RNF220: variants seen among roughly 807,000 people sequenced by gnomAD.
The protein encoded by RNF220 is E3 ubiquitin-protein ligase RNF220.
In RNF220, 7 loss-of-function variants were observed where a neutral mutation model predicts 67.1. The observed-to-expected ratio is 0.10, with a 90% CI of 0.06 to 0.20. The LOEUF is 0.20. RNF220 is among the 10% of genes least tolerant of loss of function. The pLI, the probability that RNF220 is intolerant of heterozygous loss-of-function variation, is 1.00. For missense variants in RNF220, 565 were observed against 740.3 expected, an observed-to-expected ratio of 0.76 and a Z score of 2.75; for synonymous variants, 270 against 283.2, an observed-to-expected ratio of 0.95 and a Z score of 0.47.
intron 3 of RNF220, 78 bp downstream of exon 3, chr1:44,614,375 C>T (rs1033463497): frequency 1.3e-6 from 2 of 1,537,856 alleles, no homozygotes; most frequent in African/African-American, 2.7e-5. Context: ...GAAGCAGCCG[C>T]CTGGCCCATA....
chr1:44,612,136 G>C (rs144331266), intron 2 of RNF220, among the ~76,000 whole-genome samples: 1 of 152,312 alleles, frequency 6.6e-6, no homozygotes, highest in African/African-American at 2.4e-5. Flanking sequence ...CCTCCTCAGA[G>C]ACCTTGCCAC....
intron 2 of RNF220, among the ~76,000 whole-genome samples, chr1:44,414,871 T>C (rs571528782): frequency 2.6e-5 from 4 of 151,154 alleles, no homozygotes; most frequent in Non-Finnish European, 5.9e-5. Context: ...ATAAAACCTA[T>C]AGGAGTGTCT....
intron 2 of RNF220, among the ~76,000 whole-genome samples, chr1:44,607,792 T>G (rs939969571): frequency 6.6e-6 from 1 of 151,978 alleles, no homozygotes; most frequent in Admixed American, 6.6e-5. Flanking sequence ...CCCGGCCAAA[T>G]GTGCTGTTTT....
chr1:44,545,855 C>A (rs907288005), intron 2 of RNF220, among the ~76,000 whole-genome samples: 20 of 151,684 alleles, frequency 1.3e-4, no homozygotes, highest in Middle Eastern at 3.4e-3. Flanking sequence ...CTCCTGGGTT[C>A]AAGCAATTCT....
intron 2 of RNF220, among the ~76,000 whole-genome samples, chr1:44,591,881 C>T (rs1169150816): frequency 6.6e-6 from 1 of 152,048 alleles, no homozygotes; most frequent in Non-Finnish European, 1.5e-5. Flanking sequence ...GACTTCTCTC[C>T]TCCAGGAAGC....
chr1:44,429,885 G>A (rs867683619), intron 2 of RNF220, among the ~76,000 whole-genome samples: 2 of 152,064 alleles, frequency 1.3e-5, no homozygotes, highest in Admixed American at 6.6e-5. Context: ...TGCATATATT[G>A]GGTTAAGTAC....
intron 2 of RNF220, among the ~76,000 whole-genome samples, chr1:44,487,422 T>C (rs1233498463): frequency 1.3e-5 from 2 of 151,692 alleles, no homozygotes; most frequent in Non-Finnish European, 2.9e-5. Flanking sequence ...AAGTAAGGAC[T>C]ATACCCTGAT....
intron 2 of RNF220, among the ~76,000 whole-genome samples, chr1:44,597,634 C>T (rs1482950694): frequency 6.6e-6 from 1 of 152,104 alleles, no homozygotes; most frequent in Admixed American, 6.5e-5. Context: ...CACACACCCA[C>T]TCTTGCACAC....
At chr1:44,569,673 A>G (rs74070526) in intron 2 of RNF220, among the ~76,000 whole-genome samples, 7,789 of 152,196 alleles carry the variant, frequency 0.051, 628 homozygotes, top group African/African-American at 0.18. Context: ...CCACCCTGGC[A>G]GAGCCAGGAT....
intron 1 of RNF220, among the ~76,000 whole-genome samples, chr1:44,407,895 G>A (rs1475448575): frequency 1.3e-5 from 2 of 152,192 alleles, no homozygotes; most frequent in African/African-American, 4.8e-5. Context: ...TTTGGTCGAA[G>A]GCTGGCAGCT....
intron 2 of RNF220, among the ~76,000 whole-genome samples, chr1:44,474,878 A>C (rs1364950094): frequency 6.6e-6 from 1 of 152,216 alleles, no homozygotes; most frequent in African/African-American, 2.4e-5. Flanking sequence ...ACCTTATATA[A>C]GGGAATTGAG....
chr1:44,563,504 C>T (rs990387388), intron 2 of RNF220, among the ~76,000 whole-genome samples: 16 of 152,142 alleles, frequency 1.1e-4, no homozygotes, highest in African/African-American at 2.9e-4. Context: ...CTGCATTTGC[C>T]GCCGTGGACT....
intron 2 of RNF220, among the ~76,000 whole-genome samples, chr1:44,430,607 A>G (rs1370014746): frequency 6.6e-6 from 1 of 152,096 alleles, no homozygotes; most frequent in Non-Finnish European, 1.5e-5. Flanking sequence ...GTGCAGTGGC[A>G]TGATCTCGGC....
intron 2 of RNF220, among the ~76,000 whole-genome samples, chr1:44,478,811 C>T (rs970461912): frequency 3.9e-5 from 6 of 152,172 alleles, no homozygotes; most frequent in African/African-American, 7.2e-5. Flanking sequence ...ACAGGTCCCA[C>T]GGTCCTAGGG....
At position 44,651,231 on chromosome 1, in the gene RNF220, T is replaced by G. The variant is rs905018523; in HGVS notation, c.*456T>G. On this transcript the variant is annotated 3_prime_UTR_variant, in exon 15 of 15. Coordinates refer to ENST00000361799, the MANE Select transcript of RNF220 (RefSeq NM_018150.4). ...GTCCCCTCCCCCTTTGGTTGTATGA[T>G]TTTCTTCTTTTTTAAGAACCCCTGG... The G allele has an allele frequency of 5.4e-6, 1 of 184,252 alleles. No homozygotes were observed. Among genetic ancestry groups the G allele is most frequent in the East Asian group, 1.3e-4 (1 of 7,532 alleles). The allele number at this position is 184,252 out of a possible 1,614,324, so 11.4% of individuals were successfully genotyped here. A position where few individuals can be genotyped will look rare whatever the true frequency, so the allele number is the denominator to read the frequency against.
chr1:44,644,963 C>G (rs1644594705), intron 9 of RNF220, 32 bp from the exon 10 acceptor site: 3 of 1,610,738 alleles, frequency 1.9e-6, no homozygotes, highest in African/African-American at 2.7e-5. Context: ...CTGCTGCAAA[C>G]TAGGATCCAT....
Position 44,635,714 on chromosome 1 carries a change from G to A in RNF220, c.993+126G>A, listed in dbSNP as rs145475460. The stretch of plus-strand genomic sequence containing the variant: ...CCTTCCTTCCCCGCTCCCTTCCCCC[G>A]ACACTAGCTGCTGACTGCCCCTGAA... On this transcript the variant is annotated intron_variant, in intron 7 of 14. Transcript: ENST00000361799. 1,416 of 1,525,290 alleles carry A rather than the reference G, an allele frequency of 9.3e-4. 8 individuals carry two copies. The East Asian group carries it at 0.016, about 17-fold the overall frequency. The allele number at this position is 1,525,290 out of a possible 1,614,324, so 94.5% of individuals were successfully genotyped here.
At chr1:44,578,658 A>G (rs144865231) in intron 2 of RNF220, among the ~76,000 whole-genome samples, 1,834 of 152,250 alleles carry the variant, frequency 0.012, 19 homozygotes, top group Non-Finnish European at 0.019. Context: ...CTGGAGGACA[A>G]TGTCCAGTTT....
At chr1:44,605,892 C>A (rs920939662) in intron 2 of RNF220, among the ~76,000 whole-genome samples, 1 of 152,200 alleles carries the variant, frequency 6.6e-6, no homozygotes, top group African/African-American at 2.4e-5. Context: ...CTCTGCCCCA[C>A]GGGCACCGGC....
Sources: allele counts gnomAD v4.1 joint callset (sites outside exome capture counted in the v4.1 genomes callset), GRCh38; gene constraint gnomAD v4.1.1; transcripts MANE v1.5; gene names NCBI Gene and HGNC (gene_info 2026-07-23, HGNC 2026-07-21).